ZSCAN1: variants seen among roughly 807,000 people sequenced by gnomAD.
ZSCAN1 encodes zinc finger and SCAN domain containing 1.
A neutral mutation model predicts 23.8 loss-of-function variants in ZSCAN1; 23 were observed. The ratio of observed to expected loss-of-function variants is 0.97; its 90% CI spans 0.70 to 1.37. The LOEUF is 1.37. Ranked by LOEUF, ZSCAN1 falls within the 40% of genes most tolerant of loss-of-function variation. The pLI, the probability that ZSCAN1 is intolerant of heterozygous loss-of-function variation, is 0.00. For synonymous variants in ZSCAN1, 236 were observed against 232.3 expected (o/e 1.02, Z -0.15); for missense variants, 575 against 554.0 (o/e 1.04, Z -0.38).
At chr19:58,048,059 C>T (rs536352607) in intron 4 of ZSCAN1, among the ~76,000 whole-genome samples, 7 of 152,252 alleles carry the variant, frequency 4.6e-5, no homozygotes, top group Non-Finnish European at 8.8e-5. Flanking sequence ...AAAGCAGCTG[C>T]GCTCAGACGA....
downstream of ZSCAN1, among the ~76,000 whole-genome samples, chr19:58,055,424 C>G (rs2073884863): frequency 6.6e-6 from 1 of 152,224 alleles, no homozygotes; most frequent in African/African-American, 2.4e-5. Flanking sequence ...TCAGGCATCC[C>G]CAGCTTTTCC....
downstream of ZSCAN1, among the ~76,000 whole-genome samples, chr19:58,056,471 C>T (rs2073889593): frequency 6.6e-6 from 1 of 152,266 alleles, no homozygotes; most frequent in Admixed American, 6.5e-5. Context: ...CCTGTGGAGA[C>T]ACCGGGACAC....
Position 58,045,252 on chromosome 19 carries a change from T to A in ZSCAN1, c.465+4708T>A, listed in dbSNP as rs2073817677. The A allele has an allele frequency of 1.3e-6, 1 of 797,890 alleles. No individual in the cohort carries two copies. The highest frequency in any genetic ancestry group is 2.3e-6 in the Non-Finnish European group (1 of 435,304). The allele number at this position is 797,890 out of a possible 1,614,324, so 49.4% of individuals were successfully genotyped here. ...GTTCGTGGTGGTGCCGTTCGTGGAG[T>A]TTCTGCTGCCTGTTGCTGTGAAACT... On this transcript the variant is annotated intron_variant, in intron 4 of 5. Transcript: ENST00000282326. The surrounding 1 kb of genome is among the most constrained non-coding windows in gnomAD (Gnocchi z 4.3).
chr19:58,050,604 T>G (rs2073853101), intron 4 of ZSCAN1, among the ~76,000 whole-genome samples: 1 of 151,556 alleles, frequency 6.6e-6, no homozygotes, highest in Non-Finnish European at 1.5e-5. Context: ...CACTGCAACC[T>G]CCGCCTCCTG....
chr19:58,050,567 C>G (rs750680373), intron 4 of ZSCAN1, among the ~76,000 whole-genome samples: 1 of 152,098 alleles, frequency 6.6e-6, no homozygotes, highest in African/African-American at 2.4e-5. Flanking sequence ...TGTCGCCAGG[C>G]TGCAGTGCAG....
rs2073865351 is a variant in ZSCAN1 at position 58,052,619 on chromosome 19, G to T, written c.595G>T (p.Gly199Cys). The change falls in exon 5 of 6, where the codon GGC becomes TGC. Residue 199 changes from glycine to cysteine, a missense_variant. Physicochemically the swap from Gly to Cys is radical, Grantham distance 159. Transcript: ENST00000282326. ...RAEAEAPRAP[G>C]LLGSRARLPL... ...GGAGGCCGAAGCGCCCCGCGCCCCT[G>T]GCTTGCTGGGTGAGTCTGGCTCCTG... The T allele has an allele frequency of 6.2e-7, 1 of 1,600,304 alleles. No individual in the cohort carries two copies. Among genetic ancestry groups the T allele is most frequent in the South Asian group, 1.1e-5 (1 of 89,578 alleles).
intron 4 of ZSCAN1, chr19:58,044,461 C>A: frequency 2.5e-6 from 1 of 393,732 alleles, no homozygotes; most frequent in Non-Finnish European, 4.5e-6. Flanking sequence ...CCGAGGCCAA[C>A]CGCTGCCGTC....
chr19:58,044,895 T>C (rs1430407449), intron 4 of ZSCAN1: 4 of 815,282 alleles, frequency 4.9e-6, no homozygotes, highest in Non-Finnish European at 8.6e-6. Flanking sequence ...CTCGGTGCCT[T>C]CCTGCCCGCG....
chr19:58,056,314 CTG>C (rs1158708732), downstream of ZSCAN1, among the ~76,000 whole-genome samples: 2 of 152,228 alleles, frequency 1.3e-5, no homozygotes, highest in Non-Finnish European at 2.9e-5. Flanking sequence ...CCTTAACTCA[CTG>C]TGTCTCCACC....
At chr19:58,044,789 A>G (rs1162776406) in intron 4 of ZSCAN1, 2 of 725,916 alleles carry the variant, frequency 2.8e-6, no homozygotes, top group African/African-American at 3.5e-5. Context: ...TTCAGAGGCG[A>G]TCACCTCAGC....
chr19:58,037,644 C>T, intron 2 of ZSCAN1, 84 bp from the exon 3 acceptor site: 1 of 655,212 alleles, frequency 1.5e-6, no homozygotes, highest in South Asian at 2.8e-5. Context: ...GAGGTCAGAA[C>T]AAGGAAGTAA....
chr19:58,042,976 C>T (rs1041197261), intron 4 of ZSCAN1, among the ~76,000 whole-genome samples: 1 of 152,266 alleles, frequency 6.6e-6, no homozygotes, highest in African/African-American at 2.4e-5. Context: ...GGCCTTAGGC[C>T]TGAGGCCTGG....
chr19:58,045,141 C>T lies in ZSCAN1; in HGVS notation c.465+4597C>T. 4.1e-6 allele frequency: 5 copies of T among 1,223,092 alleles called. No individual in the cohort carries two copies. Among genetic ancestry groups the T allele is most frequent in the Non-Finnish European group, 6.0e-6 (5 of 827,650 alleles). 75.8% of individuals were successfully genotyped at this position (1,223,092 alleles called of 1,614,324 possible). A position where few individuals can be genotyped will look rare whatever the true frequency, so the allele number is the denominator to read the frequency against. On this transcript the variant is annotated intron_variant, in intron 4 of 5. Transcript: ENST00000282326. This position sits in a 1 kb window ranked among gnomAD's most constrained non-coding sequence, Gnocchi z 4.3. ...CGCAGCACGCATGCTCTGGCGCATC[C>T]TCAACTGCCACACCCTGACCCGCCA...
Position 58,045,521 on chromosome 19 carries a change from G to C in ZSCAN1, c.465+4977G>C. ...TCATGGGTTTTTCCAAATTATTTGA[G>C]GATGAGCTGACCCTTGACAACCTGA... On this transcript the variant is annotated intron_variant, in intron 4 of 5. Coordinates refer to ENST00000282326, the MANE Select transcript of ZSCAN1 (RefSeq NM_182572.4). The surrounding 1 kb of genome is among the most constrained non-coding windows in gnomAD (Gnocchi z 4.3). 1 of 1,412,164 alleles carries C rather than the reference G, an allele frequency of 7.1e-7. No homozygotes were observed. Among genetic ancestry groups the C allele is most frequent in the South Asian group, 1.1e-5 (1 of 87,054 alleles). 87.5% of individuals were successfully genotyped at this position (1,412,164 alleles called of 1,614,324 possible). A position where few individuals can be genotyped will look rare whatever the true frequency, so the allele number is the denominator to read the frequency against.
chr19:58,052,613 G>A lies in ZSCAN1; in HGVS notation c.589G>A (p.Ala197Thr), dbSNP rs775413337. The A allele has an allele frequency of 3.9e-5, 62 of 1,603,332 alleles. No homozygotes were observed. The highest frequency in any genetic ancestry group is 6.8e-5 in the Admixed American group (4 of 58,488). ...CAGGGCGGAGGCCGAAGCGCCCCGC[G>A]CCCCTGGCTTGCTGGGTGAGTCTGG... is the stretch of plus-strand genomic sequence containing the variant. ...HTRAEAEAPR[A>T]PGLLGSRARL... Residue 197 changes from alanine to threonine, a missense_variant, in exon 5 of 6, where the codon GCC (alanine) becomes ACC (threonine). Physicochemically the swap from Ala to Thr is moderately conservative, Grantham distance 58 (BLOSUM62 0). Transcript: ENST00000282326.
chr19:58,051,318 C>T (rs544267008), intron 4 of ZSCAN1, among the ~76,000 whole-genome samples: 10 of 152,216 alleles, frequency 6.6e-5, no homozygotes, highest in South Asian at 2.1e-4. Flanking sequence ...CCTCTGGTTA[C>T]GATTTCAGAA....
rs1000214354 is a variant in ZSCAN1, at chr19:58,040,308, T to A, written c.371-142T>A. The A allele has an allele frequency of 9.6e-6, 8 of 830,390 alleles. No homozygotes were observed. In the African/African-American group the frequency reaches 1.4e-4, roughly 14 times the overall value. The allele number at this position is 830,390 out of a possible 1,614,324, so 51.4% of individuals were successfully genotyped here. ...CCAGCAGCCACATGGAGGGACAGAATGACAGCCCTGCAGCCACTCTTGCCT... is the reference window on the plus strand; with the variant it reads ...CCAGCAGCCACATGGAGGGACAGAAAGACAGCCCTGCAGCCACTCTTGCCT... On this transcript the variant is annotated intron_variant, in intron 3 of 5. Transcript: ENST00000282326. This position sits in a 1 kb window ranked among gnomAD's most constrained non-coding sequence, Gnocchi z 5.8.
chr19:58,055,826 T>C (rs1191286264), downstream of ZSCAN1, among the ~76,000 whole-genome samples: 3 of 152,176 alleles, frequency 2.0e-5, no homozygotes, highest in Admixed American at 6.5e-5. Context: ...TCAGTCAGGC[T>C]CCAGCCTACC....
At position 58,053,673 on chromosome 19, in the gene ZSCAN1, G is replaced by A. The variant is rs149807475; in HGVS notation, c.849G>A (p.Pro283=). 5.8e-5 allele frequency: 93 copies of A among 1,614,108 alleles called. No homozygotes were observed. The South Asian group carries it at 5.8e-4, about 10-fold the overall frequency. ...QEAVAGISVV[P]RGPRGGRPFQ... ...CTGTTGCAGGCATCTCGGTAGTGCC[G>A]CGTGGGCCCCGAGGTGGGCGGCCCT... The change falls in exon 6 of 6, where the codon CCG becomes CCA. Residue 283 remains proline, a synonymous_variant. Transcript: ENST00000282326. The surrounding 1 kb of genome is among the most constrained non-coding windows in gnomAD (Gnocchi z 5.8).
Sources: gnomAD v4.1 joint callset for allele counts (sites outside exome capture counted in the v4.1 genomes callset) on GRCh38, gnomAD v4.1.1 for gene constraint, Gnocchi (gnomAD v3.1) non-coding constraint, MANE v1.5 for transcripts, NCBI Gene and HGNC (gene_info 2026-07-23, HGNC 2026-07-21) for gene names.